Variants in RAB38 observed in about 807,000 individuals in gnomAD.
The protein encoded by RAB38 is ras-related protein Rab-38.
Under a neutral mutation model 18.4 loss-of-function variants are expected in RAB38, and 15 were observed. The ratio of observed to expected loss-of-function variants is 0.82; its 90% CI spans 0.55 to 1.26. The LOEUF is 1.26. Ranked by LOEUF, RAB38 falls within the 50% of genes most tolerant of loss-of-function variation. The pLI is 0.00. For missense variants in RAB38, 294 were observed against 267.4 expected (o/e 1.10, Z -0.69); for synonymous variants, 101 against 104.4 (o/e 0.97, Z 0.20).
intron 1 of RAB38, among the ~76,000 whole-genome samples, chr11:88,163,277 C>T (rs1943208713): frequency 6.6e-6 from 1 of 152,098 alleles, no homozygotes; most frequent in African/African-American, 2.4e-5. Flanking sequence ...ACTAGCAATA[C>T]AAGTACTCTT....
chr11:88,075,955 G>A, the RAB38 span, among the ~76,000 whole-genome samples: 1 of 148,616 alleles, frequency 6.7e-6, no homozygotes, highest in African/African-American at 2.5e-5. Flanking sequence ...GAACTAGAAG[G>A]GAATAAACCA....
At chr11:88,174,520 CAG>C (rs1943352224) in intron 1 of RAB38, among the ~76,000 whole-genome samples, 1 of 146,580 alleles carries the variant, frequency 6.8e-6, no homozygotes, top group Admixed American at 7.0e-5. Flanking sequence ...TCATAGAAGA[CAG>C]AGAGCCAGAG....
At chr11:87,857,277 G>A in the RAB38 span, among the ~76,000 whole-genome samples, 1 of 152,136 alleles carries the variant, frequency 6.6e-6, no homozygotes, top group Admixed American at 6.5e-5. Context: ...TGGACATTTG[G>A]GTTGGTTCCA....
At chr11:87,878,474 G>T in the RAB38 span, among the ~76,000 whole-genome samples, 1 of 151,308 alleles carries the variant, frequency 6.6e-6, no homozygotes, top group Non-Finnish European at 1.5e-5. Flanking sequence ...AACATTAAAT[G>T]AAAGTAGACA....
chr11:87,863,068 G>A, the RAB38 span, among the ~76,000 whole-genome samples: 1 of 151,830 alleles, frequency 6.6e-6, no homozygotes, highest in Admixed American at 6.6e-5. Context: ...ATAGCCTGGT[G>A]TATAGAAAAT....
At chr11:87,896,938 T>A in the RAB38 span, among the ~76,000 whole-genome samples, 1,558 of 151,722 alleles carry the variant, frequency 0.01, 16 homozygotes, top group Non-Finnish European at 0.017. Context: ...GGCACTGGAG[T>A]GTTTCATTAA....
At chr11:87,977,690 A>T in the RAB38 span, among the ~76,000 whole-genome samples, 2 of 115,504 alleles carry the variant, frequency 1.7e-5, no homozygotes, top group African/African-American at 6.9e-5. Flanking sequence ...TATGTCATAT[A>T]ATATATAGGG....
chr11:87,816,459 G>A, the RAB38 span: 6 of 152,252 alleles, frequency 3.9e-5, no homozygotes, highest in Non-Finnish European at 5.9e-5. Flanking sequence ...CCTGAAACAT[G>A]AGGATCAAGT....
At chr11:88,113,196 C>T (rs557456707), downstream of RAB38, 145 of 128,972 alleles carry the variant, frequency 1.1e-3, no homozygotes, top group African/African-American at 1.1e-3. Context: ...TTACTTTGTC[C>T]GAAAAAAAAA....
the RAB38 span, among the ~76,000 whole-genome samples, chr11:87,912,388 T>C: frequency 6.6e-6 from 1 of 152,018 alleles, no homozygotes; most frequent in Admixed American, 6.6e-5. Context: ...GATATAGGGC[T>C]ATTCAGGTCA....
At chr11:87,969,746 C>T in the RAB38 span, among the ~76,000 whole-genome samples, 1 of 152,090 alleles carries the variant, frequency 6.6e-6, no homozygotes, top group Admixed American at 6.6e-5. Context: ...GTTTGGTTTT[C>T]TGGTTCTTTA....
At chr11:87,898,835 A>T in the RAB38 span, among the ~76,000 whole-genome samples, 1 of 151,658 alleles carries the variant, frequency 6.6e-6, no homozygotes. Context: ...CATGGCAGGA[A>T]CAGGTGCCAA....
At chr11:87,819,201 G>A in the RAB38 span, among the ~76,000 whole-genome samples, 2 of 152,144 alleles carry the variant, frequency 1.3e-5, no homozygotes, top group African/African-American at 4.8e-5. Flanking sequence ...TTGAATTTTG[G>A]TATTGCTGAG....
chr11:88,102,413 T>A, the RAB38 span, among the ~76,000 whole-genome samples: 1 of 152,166 alleles, frequency 6.6e-6, no homozygotes, highest in East Asian at 1.9e-4. Context: ...CAGCTTCATG[T>A]CGACATTCCA....
the RAB38 span, among the ~76,000 whole-genome samples, chr11:87,956,801 C>A: frequency 6.6e-6 from 1 of 152,050 alleles, no homozygotes; most frequent in Admixed American, 6.6e-5. Flanking sequence ...CTGCACCAAA[C>A]CTGGAGAGAA....
chr11:88,008,243 C>G, the RAB38 span, among the ~76,000 whole-genome samples: 6 of 151,918 alleles, frequency 3.9e-5, no homozygotes, highest in Admixed American at 2.6e-4. Context: ...AAATATTATA[C>G]CCTTAACCAT....
chr11:87,911,633 T>C, the RAB38 span, among the ~76,000 whole-genome samples: 2 of 152,040 alleles, frequency 1.3e-5, no homozygotes, highest in Non-Finnish European at 2.9e-5. Flanking sequence ...TTCCATAGGA[T>C]TTTCAATGTA....
the RAB38 span, among the ~76,000 whole-genome samples, chr11:88,028,988 G>A: frequency 6.6e-5 from 10 of 151,934 alleles, no homozygotes; most frequent in Non-Finnish European, 1.5e-5. Flanking sequence ...AGAAAGGTCG[G>A]GTTACCCTCA....
the RAB38 span, among the ~76,000 whole-genome samples, chr11:87,929,317 C>A: frequency 2.0e-5 from 3 of 151,816 alleles, no homozygotes; most frequent in African/African-American, 7.3e-5. Flanking sequence ...AACAGTTTAG[C>A]ATGGGCATCT....
Sources: gnomAD v4.1 joint callset for allele counts (sites outside exome capture counted in the v4.1 genomes callset) on GRCh38, gnomAD v4.1.1 for gene constraint, MANE v1.5 for transcripts, NCBI Gene and HGNC (gene_info 2026-07-23, HGNC 2026-07-21) for gene names.